Variants in BACE2 observed in about 807,000 individuals in gnomAD.
The protein encoded by BACE2 is 56 kDa aspartic-like protease.
Under a neutral mutation model 46.2 loss-of-function variants are expected in BACE2, and 17 were observed. The observed-to-expected ratio is 0.37, with a 90% CI of 0.25 to 0.55. The LOEUF is 0.55. BACE2 is among the 20% of genes least tolerant of loss of function. The pLI is 0.82. For synonymous variants in BACE2, 277 were observed against 295.9 expected, an observed-to-expected ratio of 0.94 and a Z score of 0.66; for missense variants, 595 against 698.1, an observed-to-expected ratio of 0.85 and a Z score of 1.66.
At chr21:41,209,833 G>A (rs1281739453) in intron 1 of BACE2, among the ~76,000 whole-genome samples, 1 of 152,186 alleles carries the variant, frequency 6.6e-6, no homozygotes, top group Non-Finnish European at 1.5e-5. Flanking sequence ...TGTGAAACTC[G>A]CATCCTGTGA....
chr21:41,257,281 G>A lies in BACE2; in HGVS notation c.1258G>A (p.Asp420Asn), dbSNP rs746926651. 9 of 1,614,006 alleles carry A rather than the reference G, an allele frequency of 5.6e-6. No individual in the cohort carries two copies. The highest frequency in any genetic ancestry group is 1.3e-5 in the African/African-American group (1 of 74,916). The change falls in exon 8 of 9, where the codon GAC (aspartate) becomes AAC (asparagine). Residue 420 changes from aspartate to asparagine, a missense_variant. Physicochemically the swap from Asp to Asn is conservative, Grantham distance 23. Coordinates refer to ENST00000330333, the MANE Select transcript of BACE2 (RefSeq NM_012105.5). ...TVMEGFYVIF[D>N]RAQKRVGFAA... The stretch of plus-strand genomic sequence containing the variant: ...GATGGAGGGCTTCTACGTCATCTTC[G>A]ACAGAGCCCAGAAGAGGGTGGGCTT...
intron 1 of BACE2, among the ~76,000 whole-genome samples, chr21:41,174,138 C>T (rs78919595): frequency 1.4e-5 from 1 of 70,650 alleles, no homozygotes; most frequent in Non-Finnish European, 2.3e-5. Context: ...TGATCAGTGG[C>T]CTTTTTTTTT....
At chr21:41,273,618 C>T (rs2088455502) in intron 8 of BACE2, among the ~76,000 whole-genome samples, 1 of 152,114 alleles carries the variant, frequency 6.6e-6, no homozygotes, top group Non-Finnish European at 1.5e-5. Flanking sequence ...CTCAAGGTGC[C>T]CAGATTTCAT....
At position 41,281,470 on chromosome 21, in the gene BACE2, A is replaced by G. The variant is rs1023517456; in HGVS notation, c.*5846A>G. 2 of 152,212 alleles carry G rather than the reference A, an allele frequency of 1.3e-5. No homozygotes were observed. The highest frequency in any genetic ancestry group is 6.5e-5 in the Admixed American group (1 of 15,282). The allele number at this position is 152,212 out of a possible 1,614,324, so 9.4% of individuals were successfully genotyped here. Reference sequence around the variant, plus strand: ...ATTCACAAGGCACAGACAGATAAGAATATCATAAGCAGGGAAGTGTCTCCA... The same window carrying G: ...ATTCACAAGGCACAGACAGATAAGAGTATCATAAGCAGGGAAGTGTCTCCA... On this transcript the variant is annotated 3_prime_UTR_variant, in exon 9 of 9. Coordinates refer to ENST00000330333, the MANE Select transcript of BACE2 (RefSeq NM_012105.5).
intron 1 of BACE2, among the ~76,000 whole-genome samples, chr21:41,215,667 A>G (rs551743797): frequency 7.2e-5 from 11 of 152,300 alleles, no homozygotes; most frequent in Admixed American, 1.3e-4. Flanking sequence ...TCAGGAAGGA[A>G]GCAGGGAACA....
At chr21:41,272,762 T>TTC (rs561944400) in intron 8 of BACE2, among the ~76,000 whole-genome samples, 60 of 152,318 alleles carry the variant, frequency 3.9e-4, no homozygotes, top group African/African-American at 1.2e-3. Context: ...TCTGTGCCAT[T>TTC]TCTTACTAAG....
intron 8 of BACE2, among the ~76,000 whole-genome samples, chr21:41,267,297 C>T (rs1310940102): frequency 1.3e-5 from 2 of 152,172 alleles, no homozygotes; most frequent in African/African-American, 2.4e-5. Context: ...CTCGGGCCAG[C>T]GTCTCATATC....
At chr21:41,247,095 C>G (rs1987491947) in intron 6 of BACE2, among the ~76,000 whole-genome samples, 1 of 152,142 alleles carries the variant, frequency 6.6e-6, no homozygotes, top group Non-Finnish European at 1.5e-5. Flanking sequence ...GGCTGATTGT[C>G]CCGCTACTCT....
chr21:41,248,406 A>T (rs949026357), intron 6 of BACE2, among the ~76,000 whole-genome samples: 2 of 152,098 alleles, frequency 1.3e-5, no homozygotes, highest in Non-Finnish European at 2.9e-5. Context: ...GGCCCCTTGG[A>T]ACCTCCTTGT....
At chr21:41,174,842 T>G (rs1001009422) in intron 1 of BACE2, among the ~76,000 whole-genome samples, 1 of 152,166 alleles carries the variant, frequency 6.6e-6, no homozygotes, top group Non-Finnish European at 1.5e-5. Flanking sequence ...TTGCCCAGCC[T>G]TGGTGAGACA....
At chr21:41,197,131 T>C (rs932416447) in intron 1 of BACE2, among the ~76,000 whole-genome samples, 26 of 151,966 alleles carry the variant, frequency 1.7e-4, no homozygotes, top group Middle Eastern at 6.8e-3. Context: ...CCAACTCGTT[T>C]TTAGTTTTTT....
intron 1 of BACE2, among the ~76,000 whole-genome samples, chr21:41,201,399 T>G (rs1372133473): frequency 1.3e-5 from 2 of 152,232 alleles, no homozygotes; most frequent in East Asian, 3.9e-4. Flanking sequence ...AGTTATAGCT[T>G]CTTTTATAGC....
chr21:41,170,004 T>G (rs1308989864), intron 1 of BACE2, among the ~76,000 whole-genome samples: 6 of 152,192 alleles, frequency 3.9e-5, no homozygotes, highest in African/African-American at 1.4e-4. Flanking sequence ...AGGAAGAACC[T>G]CTTCTGTGAC....
rs184989681 is a variant in BACE2 at position 41,193,507 on chromosome 21, C to T, written c.312+24932C>T. On this transcript the variant is annotated intron_variant, in intron 1 of 8. Transcript: ENST00000330333. This position sits in a 1 kb window ranked among gnomAD's most constrained non-coding sequence, Gnocchi z 4.2. ...ATCACCACCCCTGCATCCTTCAAGT[C>T]CTTGATGGTGGCACTAATCTCCACA... 1.2e-4 allele frequency among the ~76,000 whole-genome samples: 18 copies of T among 152,310 alleles called. No individual in the cohort carries two copies. Among genetic ancestry groups the T allele is most frequent in the Non-Finnish European group, 1.6e-4 (11 of 68,034 alleles).
At chr21:41,224,209 ATTTTTTTTTT>A (rs10658440) in intron 1 of BACE2, among the ~76,000 whole-genome samples, 3 of 98,906 alleles carry the variant, frequency 3.0e-5, no homozygotes, top group Admixed American at 1.1e-4. Context: ...GCCTATTTTG[ATTTTTTTTTT>A]TTTTTTTTTT....
At chr21:41,249,634 C>G (rs1037823326) in intron 6 of BACE2, among the ~76,000 whole-genome samples, 1 of 152,218 alleles carries the variant, frequency 6.6e-6, no homozygotes, top group African/African-American at 2.4e-5. Flanking sequence ...CTCCCCAGCG[C>G]CTGCTTGGCC....
At chr21:41,270,368 T>C (rs1468232694) in intron 8 of BACE2, among the ~76,000 whole-genome samples, 1 of 152,212 alleles carries the variant, frequency 6.6e-6, no homozygotes, top group Admixed American at 6.5e-5. Context: ...AAATTGTGCT[T>C]TTGGGTACTA....
chr21:41,239,336 C>T (rs1987225052), intron 3 of BACE2, among the ~76,000 whole-genome samples: 1 of 152,130 alleles, frequency 6.6e-6, no homozygotes, highest in African/African-American at 2.4e-5. Context: ...CCCTGTGAGG[C>T]ATACTTTGTA....
At chr21:41,260,086 G>A (rs756801134) in intron 8 of BACE2, among the ~76,000 whole-genome samples, 5 of 149,764 alleles carry the variant, frequency 3.3e-5, no homozygotes, top group African/African-American at 4.9e-5. Flanking sequence ...CCCCGGCCCC[G>A]CCGTGGCCTC....
Sources: gnomAD v4.1 joint callset for allele counts (sites outside exome capture counted in the v4.1 genomes callset) on GRCh38, gnomAD v4.1.1 for gene constraint, Gnocchi (gnomAD v3.1) non-coding constraint, MANE v1.5 for transcripts, NCBI Gene and HGNC (gene_info 2026-07-23, HGNC 2026-07-21) for gene names.